SLC45A2: variants seen among roughly 807,000 people sequenced by gnomAD.
SLC45A2 encodes membrane-associated transporter protein.
Under a neutral mutation model 45.5 loss-of-function variants are expected in SLC45A2, and 36 were observed. That is an observed-to-expected ratio of 0.79 (90% CI 0.61 to 1.04). The LOEUF is 1.04. Ranked by LOEUF, SLC45A2 falls within the 50% of genes least tolerant of loss-of-function variation. SLC45A2 has a pLI of 0.00. For missense variants in SLC45A2, 719 were observed against 671.0 expected, an observed-to-expected ratio of 1.07 and a Z score of -0.79; for synonymous variants, 306 against 269.3, an observed-to-expected ratio of 1.14 and a Z score of -1.33.
rs1194434570 is a variant in SLC45A2 at position 33,963,796 on chromosome 5, T to C, written c.783A>G (p.Ser261=). The change falls in exon 3 of 7, where the codon TCA becomes TCG. Residue 261 remains serine (S), a synonymous_variant. Transcript: ENST00000296589. Reference sequence around the variant, plus strand: ...AACCATACTCGTACATTCCATCTGATGACAATGGAGGGTCCTGAGGGGTTT... The same window carrying C: ...AACCATACTCGTACATTCCATCTGACGACAATGGAGGGTCCTGAGGGGTTT... ...PQQTPQDPPL[S]SDGMYEYGSI... 1.2e-6 allele frequency: 2 copies of C among 1,614,068 alleles called. No individual in the cohort carries two copies.
At chr5:33,948,158 GA>G (rs1222206351) in intron 5 of SLC45A2, among the ~76,000 whole-genome samples, 1 of 152,222 alleles carries the variant, frequency 6.6e-6, no homozygotes, top group East Asian at 1.9e-4. Context: ...CTAGCATGTA[GA>G]AAACATCCAA....
At chr5:33,959,425 G>C (rs1257031605) in intron 3 of SLC45A2, among the ~76,000 whole-genome samples, 2 of 152,158 alleles carry the variant, frequency 1.3e-5, no homozygotes, top group Non-Finnish European at 2.9e-5. Flanking sequence ...GAGTCAAAGA[G>C]TACAAGTATT....
chr5:33,970,927 TG>T, intron 2 of SLC45A2: 1 of 411,634 alleles, frequency 2.4e-6, no homozygotes. Context: ...TGCATGGAGA[TG>T]GGCACCATCT....
intron 1 of SLC45A2, among the ~76,000 whole-genome samples, chr5:33,982,893 C>G (rs1004575201): frequency 6.6e-6 from 1 of 152,226 alleles, no homozygotes; most frequent in Non-Finnish European, 1.5e-5. Flanking sequence ...CCAGCCCCAG[C>G]AAAGGTCAGG....
chr5:33,970,432 A>G (rs896180223), intron 2 of SLC45A2, among the ~76,000 whole-genome samples: 4 of 152,188 alleles, frequency 2.6e-5, no homozygotes, highest in Admixed American at 2.6e-4. Context: ...CCTGTCCACC[A>G]TTTCCTTACT....
intron 5 of SLC45A2, among the ~76,000 whole-genome samples, chr5:33,948,458 G>A (rs371864787): frequency 9.2e-5 from 14 of 152,252 alleles, no homozygotes; most frequent in East Asian, 3.9e-4. Flanking sequence ...TACTTGAAAC[G>A]TGACTATTAA....
chr5:33,945,669 G>A (rs1436373926), intron 6 of SLC45A2, among the ~76,000 whole-genome samples: 2 of 151,016 alleles, frequency 1.3e-5, no homozygotes, highest in East Asian at 1.9e-4. Context: ...CGGGTGCTAG[G>A]GGGCACTATG....
chr5:33,946,260 C>A, intron 6 of SLC45A2: 1 of 985,454 alleles, frequency 1.0e-6, no homozygotes, highest in Non-Finnish European at 1.2e-6. Context: ...TGAGGAAAGC[C>A]ACACCTCTTT....
chr5:33,956,202 T>C (rs1023287114), intron 3 of SLC45A2, among the ~76,000 whole-genome samples: 7 of 152,192 alleles, frequency 4.6e-5, no homozygotes, highest in Admixed American at 1.3e-4. Flanking sequence ...TCAGCAAACC[T>C]TCCACTCAAT....
rs367685405 is a variant in SLC45A2, at chr5:33,961,282, C to T, written c.888+2409G>A. On this transcript the variant is annotated intron_variant, in intron 3 of 6. Coordinates refer to ENST00000296589, the MANE Select transcript of SLC45A2 (RefSeq NM_016180.5). ...CAAAAAAAGCTAACATCAAGGAGTC[C>T]TTTGCCCCACTAGTTTTGATGGACC... Among the ~76,000 whole-genome samples the T allele has an allele frequency of 3.3e-5, 5 of 152,128 alleles. No individual in the cohort carries two copies. In the South Asian group the frequency reaches 8.3e-4, roughly 25 times the overall value.
In SLC45A2 at chr5:33,984,325, C is replaced by A; in HGVS notation, c.259G>T (p.Val87Leu). 1 of 1,614,118 alleles carries A rather than the reference C, an allele frequency of 6.2e-7. No homozygotes were observed. ...CAGTGGTCGCTGGCCGATCCGACCA[C>A]GGGCTGCAGCAGGAATCCCAGGATG... ...SPILGFLLQP[V>L]VGSASDHCRS... Residue 87 changes from valine to leucine, a missense_variant, in exon 1 of 7, where the codon GTG becomes TTG. Physicochemically the swap from Val to Leu is conservative, Grantham distance 32 (BLOSUM62 1). Coordinates refer to ENST00000296589, the MANE Select transcript of SLC45A2 (RefSeq NM_016180.5).
intron 6 of SLC45A2, chr5:33,946,736 C>T: frequency 9.3e-7 from 1 of 1,076,358 alleles, no homozygotes; most frequent in Non-Finnish European, 1.1e-6. Flanking sequence ...CCACTATGTA[C>T]CTCTGAAAGT....
chr5:33,953,496 T>C (rs1197981576), intron 4 of SLC45A2, among the ~76,000 whole-genome samples: 1 of 151,972 alleles, frequency 6.6e-6, no homozygotes, highest in East Asian at 1.9e-4. Flanking sequence ...ATGTCTTCTT[T>C]TGAGAAGTGT....
At chr5:33,951,475 T>C (rs905686941) in intron 5 of SLC45A2, 79 bp downstream of exon 5, 1 of 1,610,138 alleles carries the variant, frequency 6.2e-7, no homozygotes, top group Non-Finnish European at 8.5e-7. Flanking sequence ...CAGTAGGAAA[T>C]ACACATAGAA....
At chr5:33,955,049 T>C (rs1447578615) in intron 3 of SLC45A2, among the ~76,000 whole-genome samples, 1 of 152,214 alleles carries the variant, frequency 6.6e-6, no homozygotes, top group Non-Finnish European at 1.5e-5. Context: ...GATTACCTGG[T>C]TGATCCTAAC....
At chr5:33,966,456 C>T (rs1451448201) in intron 2 of SLC45A2, among the ~76,000 whole-genome samples, 2 of 102,608 alleles carry the variant, frequency 1.9e-5, no homozygotes, top group Non-Finnish European at 3.4e-5. Flanking sequence ...TTTTTTGAGA[C>T]GGAGTCTCGC....
chr5:33,977,007 CA>C (rs1752948679), intron 2 of SLC45A2, among the ~76,000 whole-genome samples: 1 of 152,162 alleles, frequency 6.6e-6, no homozygotes, highest in African/African-American at 2.4e-5. Context: ...TATTTGTCGA[CA>C]AGGCCTTTAA....
chr5:33,967,806 ACACACACACACACACAC>A, intron 2 of SLC45A2, among the ~76,000 whole-genome samples: 1 of 150,866 alleles, frequency 6.6e-6, no homozygotes. Flanking sequence ...ACACACACAC[ACACACACACACACACAC>A]ACACACATTT....
At chr5:33,969,065 C>CTCTCTCTCTGTGTGTGTG in intron 2 of SLC45A2, among the ~76,000 whole-genome samples, 6 of 102,392 alleles carry the variant, frequency 5.9e-5, no homozygotes, top group African/African-American at 1.5e-4. Flanking sequence ...CTCTCTCTCT[C>CTCTCTCTCTGTGTGTGTG]TGTGTGTGTG....
Sources: allele counts gnomAD v4.1 joint callset (sites outside exome capture counted in the v4.1 genomes callset), GRCh38; gene constraint gnomAD v4.1.1; transcripts MANE v1.5; gene names NCBI Gene and HGNC (gene_info 2026-07-23, HGNC 2026-07-21).